Variants in TIAM2 observed in about 807,000 individuals in gnomAD.
The protein encoded by TIAM2 is TIAM Rac1 associated GEF 2.
A neutral mutation model predicts 152.9 loss-of-function variants in TIAM2; 80 were observed. The observed-to-expected ratio is 0.52, with a 90% confidence interval of 0.44 to 0.63. The LOEUF (loss-of-function observed/expected upper bound fraction) is 0.63. Ranked by LOEUF, TIAM2 falls within the 30% of genes least tolerant of loss-of-function variation. The probability of loss-of-function intolerance (pLI) is 0.00; values close to 1 mark genes in which losing one functional copy is unlikely to be tolerated. For synonymous variants in TIAM2, 804 were observed against 838.0 expected (o/e 0.96, Z 0.70); for missense variants, 1,965 against 2,120.1 (o/e 0.93, Z 1.44).
At chr6:155,081,706 G>T (rs984308893) in intron 1 of TIAM2, among the ~76,000 whole-genome samples, 1 of 152,252 alleles carries the variant, frequency 6.6e-6, no homozygotes, top group African/African-American at 2.4e-5. Flanking sequence ...TGAACACACT[G>T]CTTGATACAA....
chr6:155,009,246 C>T (rs1367381594), intron 1 of TIAM2, among the ~76,000 whole-genome samples: 3 of 151,720 alleles, frequency 2.0e-5, no homozygotes, highest in African/African-American at 7.3e-5. Context: ...AGACTACAGC[C>T]GTGAGCCACC....
chr6:155,248,509 A>G (rs1383443635), intron 20 of TIAM2, among the ~76,000 whole-genome samples: 1 of 152,198 alleles, frequency 6.6e-6, no homozygotes, highest in African/African-American at 2.4e-5. Context: ...GTGCCGCTGG[A>G]ACTGAAAATC....
At chr6:155,104,832 T>C (rs926665223) in intron 2 of TIAM2, among the ~76,000 whole-genome samples, 3 of 152,082 alleles carry the variant, frequency 2.0e-5, no homozygotes, top group South Asian at 4.1e-4. Context: ...TGTGTGTGCC[T>C]ATATGGGTAG....
At chr6:155,125,296 C>T (rs1174726434) in intron 2 of TIAM2, among the ~76,000 whole-genome samples, 1 of 151,862 alleles carries the variant, frequency 6.6e-6, no homozygotes, top group African/African-American at 2.4e-5. Flanking sequence ...TGCCATTGAA[C>T]CCTCCTAAGA....
chr6:155,110,409 CTGTT>C (rs1175634523), intron 2 of TIAM2, among the ~76,000 whole-genome samples: 1 of 144,394 alleles, frequency 6.9e-6, no homozygotes, highest in African/African-American at 2.6e-5. Context: ...GTTTACCTGT[CTGTT>C]TAAAGCTCTA....
intron 1 of TIAM2, among the ~76,000 whole-genome samples, chr6:155,003,108 T>C (rs1778340991): frequency 6.6e-6 from 1 of 152,182 alleles, no homozygotes; most frequent in Non-Finnish European, 1.5e-5. Flanking sequence ...TTTAAAAGTA[T>C]TATAATATGA....
intron 1 of TIAM2, among the ~76,000 whole-genome samples, chr6:154,999,462 C>T (rs1778277439): frequency 6.6e-6 from 1 of 152,176 alleles, no homozygotes. Flanking sequence ...CTGCCTCGGA[C>T]TCCCAAAGTG....
chr6:155,248,423 C>T (rs1783462241), intron 20 of TIAM2, among the ~76,000 whole-genome samples: 2 of 152,246 alleles, frequency 1.3e-5, no homozygotes, highest in South Asian at 4.1e-4. Flanking sequence ...TAGCGCCATA[C>T]TCCTCCTATG....
intron 1 of TIAM2, among the ~76,000 whole-genome samples, chr6:155,073,986 C>T (rs1777900351): frequency 6.6e-6 from 1 of 152,094 alleles, no homozygotes; most frequent in Non-Finnish European, 1.5e-5. Context: ...GGTGCCTGCC[C>T]CAGAGCAACT....
chr6:155,170,782 A>G (rs564969903), intron 9 of TIAM2, among the ~76,000 whole-genome samples: 1 of 152,276 alleles, frequency 6.6e-6, no homozygotes, highest in South Asian at 2.1e-4. Flanking sequence ...AGAAACTATG[A>G]TTTCTGCATT....
intron 8 of TIAM2, 90 bp from the exon 9 acceptor site, chr6:155,165,173 A>T: frequency 2.2e-6 from 3 of 1,394,784 alleles, no homozygotes; most frequent in South Asian, 1.5e-5. Flanking sequence ...GTCAGAATGC[A>T]TTTATAGCAA....
rs1052732359 is a variant in TIAM2, at chr6:155,127,507, A to T, written c.-100A>T. On this transcript the variant is annotated 5_prime_UTR_variant, in exon 3 of 27. Transcript: ENST00000682666. ...TTTTTCAGGCTCACTTCATGGACTC[A>T]CTTTGCGTGCTTGTTAAATGTGCTG... 2.2e-6 allele frequency: 1 copy of T among 453,016 alleles called. No individual in the cohort carries two copies. Among genetic ancestry groups the T allele is most frequent in the African/African-American group, 2.0e-5 (1 of 49,908 alleles). 28.1% of individuals were successfully genotyped at this position (453,016 alleles called of 1,614,324 possible). A position where few individuals can be genotyped will look rare whatever the true frequency, so the allele number is the denominator to read the frequency against.
At chr6:155,159,089 T>A (rs1390687358) in intron 7 of TIAM2, among the ~76,000 whole-genome samples, 5 of 152,188 alleles carry the variant, frequency 3.3e-5, no homozygotes, top group African/African-American at 1.2e-4. Context: ...AATATGTATC[T>A]TTGTCTTTCT....
intron 14 of TIAM2, among the ~76,000 whole-genome samples, chr6:155,187,573 C>CCTTTTTTTTTTTTTTTTT (rs1189509294): frequency 1.2e-4 from 6 of 49,622 alleles, no homozygotes; most frequent in African/African-American, 3.2e-4. Context: ...ACCCCGCCCC[C>CCTTTTTTTTTTTTTTTTT]TTTTTTTTTT....
intron 5 of TIAM2, 112 bp from the exon 6 acceptor site, chr6:155,144,494 C>T: frequency 9.6e-7 from 1 of 1,044,508 alleles, no homozygotes; most frequent in South Asian, 2.3e-5. Flanking sequence ...ATGTTTCTGT[C>T]ACATGATTGT....
chr6:155,205,070 A>G (rs1237584345), intron 14 of TIAM2, among the ~76,000 whole-genome samples: 1 of 151,986 alleles, frequency 6.6e-6, no homozygotes, highest in Non-Finnish European at 1.5e-5. Flanking sequence ...CTCATGACCT[A>G]AACACCTCCC....
At chr6:155,222,598 TTCAAAAACAAAAAACAAA>T (rs1782087571) in intron 15 of TIAM2, among the ~76,000 whole-genome samples, 1 of 122,686 alleles carries the variant, frequency 8.2e-6, no homozygotes, top group Non-Finnish European at 1.7e-5. Flanking sequence ...AAGACTCTGT[TTCAAAAACAAAAAACAAA>T]CAAAAAAAAA....
chr6:155,009,921 C>T (rs370632459), intron 1 of TIAM2, among the ~76,000 whole-genome samples: 7 of 152,026 alleles, frequency 4.6e-5, no homozygotes, highest in South Asian at 2.1e-4. Flanking sequence ...GGTGCAATCT[C>T]GGCTCACTGC....
rs1203608796 is a variant in TIAM2 at position 155,054,566 on chromosome 6, A to AGTTTT, written c.-208-35702_-208-35698dup. ...GGATTTCTATTCTGTAGAAGTACAG[A>AGTTTT]GTTTTGTTTTGTTTTGTTTTGTTTT... On this transcript the variant is annotated intron_variant, in intron 1 of 26. Transcript: ENST00000682666. 1.2e-4 allele frequency among the ~76,000 whole-genome samples: 15 copies of AGTTTT among 123,482 alleles called. No homozygotes were observed. In the South Asian group the frequency reaches 3.3e-3, roughly 27 times the overall value. The allele number at this position is 123,482 out of a possible 152,430, so 81.0% of individuals were successfully genotyped here.
Sources: allele counts gnomAD v4.1 joint callset (sites outside exome capture counted in the v4.1 genomes callset), GRCh38; gene constraint gnomAD v4.1.1; transcripts MANE v1.5; gene names NCBI Gene and HGNC (gene_info 2026-07-23, HGNC 2026-07-21).